Variants in MCF2 observed in about 807,000 individuals in gnomAD.
The protein encoded by MCF2 is MCF.2 cell line derived transforming sequence, also known as proto-oncogene DBL.
In MCF2, 44 loss-of-function variants were observed where a neutral mutation model predicts 82.5. The ratio of observed to expected loss-of-function variants is 0.53; its 90% confidence interval spans 0.42 to 0.69. The LOEUF is 0.69. Among genes scored for constraint, MCF2 ranks in the 30% least tolerant of loss-of-function variants. The pLI, the probability that MCF2 is intolerant of heterozygous loss-of-function variation, is 0.00. For missense variants in MCF2, 623 were observed against 663.1 expected (o/e 0.94, Z 0.66); for synonymous variants, 217 against 224.9 (o/e 0.96, Z 0.32).
At chrX:139,697,144 C>T (rs1214933019) in intron 1 of MCF2, among the ~76,000 whole-genome samples, 2 of 111,647 alleles carry the variant, frequency 1.8e-5, no homozygotes, top group African/African-American at 3.3e-5. Flanking sequence ...GTATTCTGTC[C>T]CCATGGCCAC....
intron 2 of MCF2, among the ~76,000 whole-genome samples, chrX:139,649,584 T>C (rs753681406): frequency 6.9e-4 from 77 of 111,887 alleles, no homozygotes; most frequent in African/African-American, 2.3e-3. Context: ...TAAATTATCA[T>C]TGACTAATCT....
chrX:139,603,633 A>G (rs189472289), intron 15 of MCF2, among the ~76,000 whole-genome samples: 1 of 111,883 alleles, frequency 8.9e-6, no homozygotes, highest in African/African-American at 3.2e-5. Flanking sequence ...CAGGAGATCG[A>G]GACCATCCTC....
chrX:139,692,125 T>A lies in MCF2; in HGVS notation c.-45+15981A>T, dbSNP rs938491305. The A allele has an allele frequency of 9.5e-6, 11 of 1,153,626 alleles. No individual in the cohort carries two copies. The African/African-American group carries it at 2.0e-4, about 21-fold the overall frequency. On this transcript the variant is annotated intron_variant, in intron 1 of 27. Transcript: ENST00000414978. The stretch of plus-strand genomic sequence containing the variant: ...GGCGCCGAAGCGGCAGCTTGGGGCA[T>A]GTGCCTGGCCGCCCGCCTTGGCGAA...
At chrX:139,603,303 C>T (rs992596317) in intron 15 of MCF2, among the ~76,000 whole-genome samples, 4 of 112,216 alleles carry the variant, frequency 3.6e-5, no homozygotes, top group Non-Finnish European at 7.5e-5. Flanking sequence ...TTGCTAAGAA[C>T]GCTGCTAACC....
intron 2 of MCF2, among the ~76,000 whole-genome samples, chrX:139,651,192 G>A (rs1020638724): frequency 7.2e-5 from 8 of 110,864 alleles, no homozygotes; most frequent in African/African-American, 2.7e-4. Context: ...TAAGTTGTAT[G>A]TTAAATTTAT....
At chrX:139,633,418 A>G (rs1430687176) in intron 1 of MCF2, among the ~76,000 whole-genome samples, 1 of 111,968 alleles carries the variant, frequency 8.9e-6, no homozygotes, top group African/African-American at 3.2e-5. Flanking sequence ...TAATAATTCT[A>G]TGAAGGAGTT....
At chrX:139,647,807 C>G (rs1377916023), upstream of MCF2, among the ~76,000 whole-genome samples, 2 of 111,787 alleles carry the variant, frequency 1.8e-5, no homozygotes, top group Non-Finnish European at 3.8e-5. Context: ...AAAACGAAAG[C>G]CACTTAAGTG....
intron 6 of MCF2, among the ~76,000 whole-genome samples, chrX:139,620,638 C>G (rs1049264159): frequency 1.8e-5 from 2 of 110,948 alleles, no homozygotes; most frequent in Non-Finnish European, 3.8e-5. Context: ...ATAAAATACC[C>G]AGTAATACAT....
intron 15 of MCF2, 55 bp from the exon 20 acceptor site, chrX:139,602,553 C>T: frequency 1.2e-6 from 1 of 860,241 alleles, no homozygotes; most frequent in Non-Finnish European, 1.7e-6. Flanking sequence ...TGACTTTTGC[C>T]ATCAAGAAAG....
intron 5 of MCF2, 96 bp downstream of exon 8, chrX:139,626,527 G>T: frequency 4.6e-6 from 4 of 867,531 alleles, no homozygotes; most frequent in Non-Finnish European, 6.6e-6. Context: ...CAGAGGTCCA[G>T]GAATACTTTA....
intron 1 of MCF2, among the ~76,000 whole-genome samples, chrX:139,686,330 C>T (rs1935123357): frequency 9.0e-6 from 1 of 111,338 alleles, no homozygotes; most frequent in Non-Finnish European, 1.9e-5. Flanking sequence ...GTCAAATTAT[C>T]CCTGTTTGCA....
intron 1 of MCF2, among the ~76,000 whole-genome samples, chrX:139,661,898 G>A (rs767032804): frequency 1.9e-4 from 21 of 111,875 alleles, no homozygotes; most frequent in African/African-American, 5.9e-4. Context: ...AACTATGTTC[G>A]AGTCATGTGA....
At position 139,587,717 on chromosome X, in the gene MCF2, C is replaced by A; in HGVS notation, c.2521G>T (p.Glu841Ter). Residue 841 changes from glutamate (E) to a stop codon, truncating the protein, a stop_gained and splice_region_variant, in exon 22 of 25, where the codon GAA (glutamate) becomes TAA (stop). Transcript: ENST00000370576. LOFTEE classifies it high-confidence loss of function. The stretch of plus-strand genomic sequence containing the variant: ...ATTTCTTAAAGAATAATCACTTACT[C>A]ATCATTCTGCTGAAGAGAAATCTGA... 8.6e-7 allele frequency: 1 copy of A among 1,162,728 alleles called. No homozygotes were observed. Among genetic ancestry groups the A allele is most frequent in the South Asian group, 1.8e-5 (1 of 54,516 alleles).
chrX:139,706,888 AATT>A (rs758019893), intron 1 of MCF2, among the ~76,000 whole-genome samples: 35 of 109,496 alleles, frequency 3.2e-4, no homozygotes, highest in South Asian at 7.8e-4. Context: ...TTTCAGACAT[AATT>A]ATTATTATTA....
At chrX:139,629,660 G>A (rs1233466915) in intron 4 of MCF2, 35 bp downstream of exon 7, 3 of 1,181,913 alleles carry the variant, frequency 2.5e-6, no homozygotes, top group Admixed American at 2.2e-5. Flanking sequence ...TAAAGACCAT[G>A]GAAATCTTTT....
intron 19 of MCF2, among the ~76,000 whole-genome samples, chrX:139,594,350 A>G (rs762442881): frequency 1.8e-5 from 2 of 111,703 alleles, no homozygotes; most frequent in African/African-American, 6.5e-5. Flanking sequence ...ACTAACCAAA[A>G]CAGCATGGTA....
At chrX:139,687,602 A>C (rs928697392) in intron 1 of MCF2, among the ~76,000 whole-genome samples, 1 of 112,832 alleles carries the variant, frequency 8.9e-6, no homozygotes, top group Non-Finnish European at 1.9e-5. Flanking sequence ...TTTAAGAATG[A>C]AGTGCCTTCT....
intron 1 of MCF2, among the ~76,000 whole-genome samples, chrX:139,638,897 T>C (rs1279389996): frequency 2.7e-5 from 3 of 111,758 alleles, no homozygotes; most frequent in Non-Finnish European, 5.6e-5. Flanking sequence ...TTAGTTTGTA[T>C]GTATCTATGT....
chrX:139,643,221 A>G (rs932354070), upstream of MCF2, among the ~76,000 whole-genome samples: 17 of 111,854 alleles, frequency 1.5e-4, no homozygotes, highest in Non-Finnish European at 2.4e-4. Flanking sequence ...ATGAAATACA[A>G]CCTAAATGCT....
Sources: gnomAD v4.1 joint callset for allele counts (sites outside exome capture counted in the v4.1 genomes callset) on GRCh38, gnomAD v4.1.1 for gene constraint, MANE v1.5 for transcripts, NCBI Gene and HGNC (gene_info 2026-07-23, HGNC 2026-07-21) for gene names.